The following CADM2 variants were observed in gnomAD, a reference collection of about 807,000 sequenced individuals.
CADM2 encodes immunoglobulin superfamily member 4D.
In CADM2, 12 loss-of-function variants were observed where a neutral mutation model predicts 49.8. The observed-to-expected ratio is 0.24, with a 90% CI of 0.15 to 0.39. CADM2 has a LOEUF of 0.39. CADM2 is among the 10% of genes least tolerant of loss of function. The pLI is 1.00. For missense variants in CADM2, 378 were observed against 492.3 expected, an observed-to-expected ratio of 0.77 and a Z score of 2.20; for synonymous variants, 214 against 175.4, an observed-to-expected ratio of 1.22 and a Z score of -1.74.
intron 6 of CADM2, among the ~76,000 whole-genome samples, chr3:85,924,854 A>G (rs183613493): frequency 7.0e-4 from 107 of 152,280 alleles, no homozygotes; most frequent in Middle Eastern, 3.4e-3. Context: ...TCTAACATAA[A>G]GTCCAAACTC....
intron 1 of CADM2, among the ~76,000 whole-genome samples, chr3:85,452,455 A>G (rs2037790982): frequency 6.6e-6 from 1 of 152,158 alleles, no homozygotes; most frequent in South Asian, 2.1e-4. Context: ...ATATAATTAC[A>G]ATAGTACTGG....
At chr3:85,220,201 G>T (rs780648135) in intron 1 of CADM2, among the ~76,000 whole-genome samples, 44 of 152,088 alleles carry the variant, frequency 2.9e-4, no homozygotes, top group Non-Finnish European at 5.9e-4. Context: ...TTAAGATGCT[G>T]CCTATGAGCC....
At position 85,094,948 on chromosome 3, in the gene CADM2, T is replaced by A. The variant is rs116331149; in HGVS notation, c.61+135280T>A. On this transcript the variant is annotated intron_variant, in intron 1 of 9. Transcript: ENST00000383699. Reference sequence around the variant, plus strand: ...CCAACATAAATTAAGCATTAATATGTGCCAGTCTCCGAAAGGACCATGTAT... The same window carrying A: ...CCAACATAAATTAAGCATTAATATGAGCCAGTCTCCGAAAGGACCATGTAT... Among the ~76,000 whole-genome samples, 1,361 of 152,282 alleles carry A rather than the reference T, an allele frequency of 8.9e-3. 18 individuals carry two copies. Among genetic ancestry groups the A allele is most frequent in the Non-Finnish European group, 0.015 (1,053 of 68,008 alleles).
chr3:85,709,221 T>C (rs1280768036), intron 1 of CADM2, among the ~76,000 whole-genome samples: 3 of 152,150 alleles, frequency 2.0e-5, no homozygotes, highest in Non-Finnish European at 4.4e-5. Context: ...ATTAAGTTAA[T>C]GAGTTAAATC....
Position 85,459,354 on chromosome 3 carries a change from C to T in CADM2, c.62-267168C>T, listed in dbSNP as rs998230250. On this transcript the variant is annotated intron_variant, in intron 1 of 9. Transcript: ENST00000383699. ...CCTTAGATGTACTCAGCACAATTTC[C>T]CCAGGTGTGGGTATTTAGGCCAGGC... Among the ~76,000 whole-genome samples the T allele has an allele frequency of 2.0e-5, 3 of 152,072 alleles. No individual in the cohort carries two copies. The South Asian group carries it at 6.2e-4, about 32-fold the overall frequency.
At chr3:85,277,465 G>A (rs902249368) in intron 1 of CADM2, among the ~76,000 whole-genome samples, 2 of 151,240 alleles carry the variant, frequency 1.3e-5, no homozygotes, top group African/African-American at 4.8e-5. Flanking sequence ...CCAGATCCAT[G>A]TTTCTAATCA....
intron 1 of CADM2, among the ~76,000 whole-genome samples, chr3:85,324,797 A>T (rs1339886961): frequency 3.3e-5 from 5 of 152,186 alleles, no homozygotes; most frequent in Admixed American, 6.5e-5. Context: ...TCGTGTGGGT[A>T]TCTTCTCCCT....
intron 1 of CADM2, among the ~76,000 whole-genome samples, chr3:85,039,597 C>T (rs1476641108): frequency 6.6e-6 from 1 of 152,160 alleles, no homozygotes; most frequent in African/African-American, 2.4e-5. Flanking sequence ...TTTTTACTGT[C>T]CCCTGCCTTC....
At chr3:84,968,799 A>G (rs541520839) in intron 1 of CADM2, among the ~76,000 whole-genome samples, 1 of 152,168 alleles carries the variant, frequency 6.6e-6, no homozygotes, top group South Asian at 2.1e-4. Flanking sequence ...ACATCTTGCT[A>G]TGGTGGGATC....
intron 2 of CADM2, among the ~76,000 whole-genome samples, chr3:85,778,733 A>G (rs2070482503): frequency 6.6e-6 from 1 of 152,180 alleles, no homozygotes; most frequent in Non-Finnish European, 1.5e-5. Context: ...TCTTTTATGT[A>G]TATGAGGTCA....
At chr3:84,987,155 T>C (rs2032619589) in intron 1 of CADM2, among the ~76,000 whole-genome samples, 1 of 152,080 alleles carries the variant, frequency 6.6e-6, no homozygotes, top group African/African-American at 2.4e-5. Context: ...TCCCAGGTTG[T>C]GGCTATGAGT....
chr3:85,543,332 G>T (rs537636942), intron 1 of CADM2, among the ~76,000 whole-genome samples: 1 of 149,568 alleles, frequency 6.7e-6, no homozygotes, highest in African/African-American at 2.5e-5. Flanking sequence ...TCTGTTTACC[G>T]CAACCTCCGC....
chr3:85,264,627 A>T (rs866051421), intron 1 of CADM2, among the ~76,000 whole-genome samples: 2 of 151,970 alleles, frequency 1.3e-5, no homozygotes, highest in Non-Finnish European at 2.9e-5. Context: ...TTAATTTTGA[A>T]ACAATTAATT....
intron 1 of CADM2, among the ~76,000 whole-genome samples, chr3:85,626,609 G>A (rs978196706): frequency 1.3e-5 from 2 of 151,820 alleles, no homozygotes; most frequent in Non-Finnish European, 2.9e-5. Context: ...CAATTACTTT[G>A]TCAGTTACTG....
At chr3:85,384,580 C>T (rs1335644220) in intron 1 of CADM2, among the ~76,000 whole-genome samples, 1 of 152,018 alleles carries the variant, frequency 6.6e-6, no homozygotes, top group South Asian at 2.1e-4. Context: ...TCCCAAACTG[C>T]TGTGTTTACA....
chr3:85,424,273 G>A (rs927026574), intron 1 of CADM2, among the ~76,000 whole-genome samples: 16 of 151,650 alleles, frequency 1.1e-4, no homozygotes, highest in Non-Finnish European at 1.5e-5. Context: ...TTTGTATTAT[G>A]TTTAAAAGCA....
At chr3:85,382,880 C>T (rs530162181) in intron 1 of CADM2, among the ~76,000 whole-genome samples, 65 of 152,210 alleles carry the variant, frequency 4.3e-4, no homozygotes, top group African/African-American at 1.3e-3. Context: ...AATAAAACTG[C>T]CAACACTTAC....
chr3:85,833,287 GT>G (rs1157135509), intron 3 of CADM2, among the ~76,000 whole-genome samples: 13 of 151,440 alleles, frequency 8.6e-5, no homozygotes, highest in Non-Finnish European at 1.5e-4. Context: ...CTTTGTTGTT[GT>G]TGTTGTTGTT....
chr3:85,020,001 T>C (rs2034426047), intron 1 of CADM2, among the ~76,000 whole-genome samples: 1 of 152,186 alleles, frequency 6.6e-6, no homozygotes, highest in Non-Finnish European at 1.5e-5. Context: ...AGATATATGT[T>C]TTATCTTCAT....
Sources: gnomAD v4.1 joint callset for allele counts (sites outside exome capture counted in the v4.1 genomes callset) on GRCh38, gnomAD v4.1.1 for gene constraint, MANE v1.5 for transcripts, NCBI Gene and HGNC (gene_info 2026-07-23, HGNC 2026-07-21) for gene names.